LRRC4C: variants seen among roughly 807,000 people sequenced by gnomAD.
The protein encoded by LRRC4C is leucine rich repeat containing 4C.
Under a neutral mutation model 33.6 loss-of-function variants are expected in LRRC4C, and 5 were observed. The ratio of observed to expected loss-of-function variants is 0.15; its 90% CI spans 0.08 to 0.31. LRRC4C has a LOEUF of 0.31. Ranked by LOEUF, LRRC4C falls within the 10% of genes least tolerant of loss-of-function variation. The probability of loss-of-function intolerance (pLI) is 1.00; values close to 1 mark genes in which losing one functional copy is unlikely to be tolerated. For synonymous variants in LRRC4C, 329 were observed against 302.0 expected, an observed-to-expected ratio of 1.09 and a Z score of -0.93; for missense variants, 560 against 796.7, an observed-to-expected ratio of 0.70 and a Z score of 3.58.
chr11:40,437,396 T>TC (rs1419658000), intron 3 of LRRC4C, among the ~76,000 whole-genome samples: 3 of 151,974 alleles, frequency 2.0e-5, no homozygotes, highest in African/African-American at 7.2e-5. Context: ...TTTCTTTTTT[T>TC]CTTTTTTTTT....
At chr11:40,150,975 C>G (rs1000866817) in intron 5 of LRRC4C, among the ~76,000 whole-genome samples, 2 of 152,256 alleles carry the variant, frequency 1.3e-5, no homozygotes, top group East Asian at 3.9e-4. Flanking sequence ...ACCAGTGCAA[C>G]TACCTAAATG....
At chr11:40,583,861 C>T (rs1175079448) in intron 3 of LRRC4C, among the ~76,000 whole-genome samples, 1 of 151,432 alleles carries the variant, frequency 6.6e-6, no homozygotes, top group Non-Finnish European at 1.5e-5. Context: ...AAGCAGGACG[C>T]ATAAAGAGAA....
chr11:40,970,920 T>C (rs1310311855), intron 1 of LRRC4C, among the ~76,000 whole-genome samples: 1 of 152,162 alleles, frequency 6.6e-6, no homozygotes, highest in African/African-American at 2.4e-5. Flanking sequence ...GGGTATCCGG[T>C]GGAAGAAATT....
intron 3 of LRRC4C, among the ~76,000 whole-genome samples, chr11:40,549,535 T>G (rs887345112): frequency 1.3e-5 from 2 of 152,136 alleles, no homozygotes; most frequent in African/African-American, 4.8e-5. Flanking sequence ...CAAGTATAAA[T>G]GTACAAAAAA....
At chr11:40,748,974 G>C (rs534834775) in intron 2 of LRRC4C, among the ~76,000 whole-genome samples, 2 of 152,144 alleles carry the variant, frequency 1.3e-5, no homozygotes, top group Admixed American at 1.3e-4. Context: ...AGAGCACCCA[G>C]ATGTATAAAG....
chr11:40,594,125 T>A (rs1026234903), intron 3 of LRRC4C, among the ~76,000 whole-genome samples: 1 of 152,184 alleles, frequency 6.6e-6, no homozygotes, highest in Non-Finnish European at 1.5e-5. Context: ...ATTGCAATAG[T>A]CCCTGATAGT....
At chr11:40,270,051 G>A (rs866146613) in intron 4 of LRRC4C, among the ~76,000 whole-genome samples, 3 of 152,120 alleles carry the variant, frequency 2.0e-5, no homozygotes, top group East Asian at 3.9e-4. Flanking sequence ...GAACCCCTAC[G>A]CCTCCCATAC....
intron 6 of LRRC4C, among the ~76,000 whole-genome samples, chr11:40,134,781 G>A (rs150674647): frequency 6.6e-6 from 1 of 152,250 alleles, no homozygotes; most frequent in Admixed American, 6.5e-5. Context: ...ACCTGTCATT[G>A]CTTCCTCTGA....
rs190096793 is a variant in LRRC4C at position 41,281,415 on chromosome 11, C to T, written c.-496+178016G>A. The stretch of plus-strand genomic sequence containing the variant: ...GCAGCTCTGGAAATAGACTACATAG[C>T]GCTCAGTCTTCCGTTAGAAATGGGC... On this transcript the variant is annotated intron_variant, in intron 1 of 6. Coordinates refer to ENST00000528697, the MANE Select transcript of LRRC4C (RefSeq NM_001258419.2). Among the ~76,000 whole-genome samples the T allele has an allele frequency of 2.6e-4, 40 of 152,234 alleles. No homozygotes were observed. The East Asian group carries it at 6.6e-3, about 25-fold the overall frequency.
intron 1 of LRRC4C, among the ~76,000 whole-genome samples, chr11:41,075,769 GCACTCCAAT>G (rs1287848563): frequency 6.6e-6 from 1 of 152,074 alleles, no homozygotes; most frequent in Admixed American, 6.6e-5. Flanking sequence ...TCTCTTGTAT[GCACTCCAAT>G]CAGATTTTAA....
intron 3 of LRRC4C, among the ~76,000 whole-genome samples, chr11:40,456,515 G>A (rs1952138049): frequency 6.6e-6 from 1 of 151,758 alleles, no homozygotes; most frequent in Non-Finnish European, 1.5e-5. Flanking sequence ...AAATATGGAA[G>A]AACTCAATTT....
At chr11:40,541,763 C>T (rs139442947) in intron 3 of LRRC4C, among the ~76,000 whole-genome samples, 1 of 152,150 alleles carries the variant, frequency 6.6e-6, no homozygotes, top group Non-Finnish European at 1.5e-5. Context: ...ATCTCTGACA[C>T]TGCCTAACCT....
At chr11:40,783,118 A>T (rs567126624) in intron 2 of LRRC4C, among the ~76,000 whole-genome samples, 3 of 152,178 alleles carry the variant, frequency 2.0e-5, no homozygotes, top group Non-Finnish European at 2.9e-5. Context: ...TAAAAATACC[A>T]CTGTTAATAA....
intron 6 of LRRC4C, among the ~76,000 whole-genome samples, chr11:40,126,126 T>G (rs1281484679): frequency 6.6e-6 from 1 of 151,774 alleles, no homozygotes; most frequent in Admixed American, 6.6e-5. Context: ...TCTGCAATGT[T>G]TCTAGAAAAT....
At position 41,281,693 on chromosome 11, in the gene LRRC4C, G is replaced by A. The variant is rs994763891; in HGVS notation, c.-496+177738C>T. Among the ~76,000 whole-genome samples, 4 of 152,166 alleles carry A rather than the reference G, an allele frequency of 2.6e-5. No homozygotes were observed. The East Asian group carries it at 7.7e-4, about 29-fold the overall frequency. On this transcript the variant is annotated intron_variant, in intron 1 of 6. Transcript: ENST00000528697. ...GATTTAATCTATTTTGGATACAATC[G>A]GGGAACTGATAGTTTACTAGATTTT...
chr11:40,144,977 C>T (rs1362400115), intron 5 of LRRC4C, among the ~76,000 whole-genome samples: 2 of 152,172 alleles, frequency 1.3e-5, no homozygotes, highest in Non-Finnish European at 2.9e-5. Context: ...TGTTGGGCAA[C>T]TATCAACCAG....
chr11:41,046,874 C>A (rs367770913), intron 1 of LRRC4C, among the ~76,000 whole-genome samples: 2 of 151,934 alleles, frequency 1.3e-5, no homozygotes, highest in African/African-American at 4.8e-5. Context: ...ACTATAAGAG[C>A]AAACAAAATA....
chr11:41,034,455 CA>C (rs1565320769), intron 1 of LRRC4C, among the ~76,000 whole-genome samples: 9 of 121,230 alleles, frequency 7.4e-5, no homozygotes, highest in Non-Finnish European at 1.1e-4. Context: ...CACACACACA[CA>C]CCATATATAT....
intron 2 of LRRC4C, among the ~76,000 whole-genome samples, chr11:40,858,692 TAAAAAAAAAAAAA>T (rs201131448): frequency 0.024 from 1,906 of 80,184 alleles, 144 homozygotes; most frequent in Admixed American, 0.19. Context: ...GACTCCTTCT[TAAAAAAAAAAAAA>T]AAAAAAAAAA....
Sources: allele counts gnomAD v4.1 joint callset (sites outside exome capture counted in the v4.1 genomes callset), GRCh38; gene constraint gnomAD v4.1.1; transcripts MANE v1.5; gene names NCBI Gene and HGNC (gene_info 2026-07-23, HGNC 2026-07-21).